PTGER3: variants seen among roughly 807,000 people sequenced by gnomAD.
PTGER3 encodes the protein prostaglandin E2 receptor EP3 subtype.
A neutral mutation model predicts 34.7 loss-of-function variants in PTGER3; 22 were observed. The observed-to-expected ratio is 0.63, with a 90% confidence interval of 0.45 to 0.91. The LOEUF (loss-of-function observed/expected upper bound fraction) is 0.91. Ranked by LOEUF, PTGER3 falls within the 40% of genes least tolerant of loss-of-function variation. The probability of loss-of-function intolerance (pLI) is 0.00; values close to 1 mark genes in which losing one functional copy is unlikely to be tolerated. For missense variants in PTGER3, 468 were observed against 519.4 expected (o/e 0.90, Z 0.96); for synonymous variants, 241 against 230.1 (o/e 1.05, Z -0.43).
At chr1:70,890,220 A>T (rs1191731335) in intron 4 of PTGER3, among the ~76,000 whole-genome samples, 5 of 152,170 alleles carry the variant, frequency 3.3e-5, no homozygotes, top group Admixed American at 3.3e-4. Flanking sequence ...CATTTATTTA[A>T]CAACACTTAT....
At chr1:70,913,526 G>A (rs1647106518) in intron 4 of PTGER3, among the ~76,000 whole-genome samples, 1 of 151,852 alleles carries the variant, frequency 6.6e-6, no homozygotes, top group South Asian at 2.1e-4. Flanking sequence ...TCCAGTAAAT[G>A]CAGACTGAAG....
intron 2 of PTGER3, among the ~76,000 whole-genome samples, chr1:70,999,731 T>TA (rs1255899553): frequency 6.6e-6 from 1 of 151,692 alleles, no homozygotes; most frequent in Non-Finnish European, 1.5e-5. Flanking sequence ...AAAGGAAAAA[T>TA]AAAAAAAGAG....
At chr1:70,954,320 A>C (rs1276809048) in intron 2 of PTGER3, among the ~76,000 whole-genome samples, 1 of 152,170 alleles carries the variant, frequency 6.6e-6, no homozygotes, top group Non-Finnish European at 1.5e-5. Context: ...CTATTGGACC[A>C]GTCTTTATAA....
downstream of PTGER3, among the ~76,000 whole-genome samples, chr1:70,948,326 A>G (rs1650415258): frequency 6.6e-6 from 1 of 151,942 alleles, no homozygotes; most frequent in Non-Finnish European, 1.5e-5. Context: ...TTTATAACGG[A>G]CTTTTCCCCA....
intron 2 of PTGER3, chr1:71,006,291 T>A (rs1644611466): frequency 1.0e-6 from 1 of 985,448 alleles, no homozygotes; most frequent in African/African-American, 1.7e-5. Flanking sequence ...GAAAGAGGGA[T>A]ACTTTTAATG....
At chr1:70,917,798 A>G (rs1647218734) in intron 4 of PTGER3, among the ~76,000 whole-genome samples, 1 of 152,046 alleles carries the variant, frequency 6.6e-6, no homozygotes, top group Non-Finnish European at 1.5e-5. Flanking sequence ...CCTGATAATT[A>G]GTAAAGTTGA....
intron 2 of PTGER3, among the ~76,000 whole-genome samples, chr1:70,979,824 A>C (rs1251395113): frequency 1.3e-5 from 2 of 152,088 alleles, no homozygotes; most frequent in Non-Finnish European, 2.9e-5. Flanking sequence ...TTACAGCCTC[A>C]CTATCTAAAG....
At chr1:70,985,241 AC>A (rs1654800907) in intron 2 of PTGER3, among the ~76,000 whole-genome samples, 1 of 152,208 alleles carries the variant, frequency 6.6e-6, no homozygotes, top group Non-Finnish European at 1.5e-5. Context: ...TCTTTAGTAC[AC>A]AGGCTCATGA....
intron 4 of PTGER3, among the ~76,000 whole-genome samples, chr1:70,876,034 G>A (rs1446244185): frequency 6.6e-6 from 1 of 152,152 alleles, no homozygotes; most frequent in Non-Finnish European, 1.5e-5. Flanking sequence ...CACAATGGCT[G>A]AACTAATTTA....
intron 2 of PTGER3, chr1:71,010,698 C>T (rs1432011849): frequency 3.0e-6 from 3 of 983,942 alleles, no homozygotes; most frequent in African/African-American, 1.7e-5. Context: ...TTAGTATAGT[C>T]TATTTATCAC....
At chr1:70,918,142 T>C (rs1424811004) in intron 4 of PTGER3, among the ~76,000 whole-genome samples, 1 of 152,020 alleles carries the variant, frequency 6.6e-6, no homozygotes, top group African/African-American at 2.4e-5. Context: ...CAAGACATAC[T>C]GGGGAAAGGA....
intron 2 of PTGER3, among the ~76,000 whole-genome samples, chr1:70,990,456 T>C (rs563466378): frequency 1.3e-5 from 2 of 148,812 alleles, no homozygotes; most frequent in African/African-American, 2.5e-5. Flanking sequence ...TATATATACA[T>C]ATATTATACA....
At chr1:70,879,599 T>G (rs914972573) in intron 4 of PTGER3, among the ~76,000 whole-genome samples, 1 of 152,286 alleles carries the variant, frequency 6.6e-6, no homozygotes. Context: ...TTGTCTGAAA[T>G]TAAAATAGTT....
rs113318987 is a variant in PTGER3 at position 70,937,612 on chromosome 1, T to C, written c.*23+16151A>G. On this transcript the variant is annotated intron_variant, in intron 4 of 4. Coordinates refer to the PTGER3 transcript ENST00000370931. Reference sequence around the variant, plus strand: ...TGTACTTGAAACTGCCTTTTAGGTATCATTAGTCCCAAGGAAACTTGTGAG... The same window carrying C: ...TGTACTTGAAACTGCCTTTTAGGTACCATTAGTCCCAAGGAAACTTGTGAG... Among the ~76,000 whole-genome samples, 665 of 152,296 alleles carry C rather than the reference T, an allele frequency of 4.4e-3. 6 individuals are homozygous for C. The highest frequency in any genetic ancestry group is 0.015 in the African/African-American group (625 of 41,564).
intron 4 of PTGER3, among the ~76,000 whole-genome samples, chr1:70,940,724 C>G (rs1039569222): frequency 2.0e-5 from 3 of 152,158 alleles, no homozygotes; most frequent in Non-Finnish European, 4.4e-5. Context: ...ATTACCTCCC[C>G]CTGGGCCCCT....
intron 2 of PTGER3, among the ~76,000 whole-genome samples, chr1:70,987,313 A>G (rs6679370): frequency 0.32 from 48,563 of 152,112 alleles, 8,462 homozygotes; most frequent in South Asian, 0.44. Context: ...GACAAAACGT[A>G]TAAGTTATGT....
chr1:70,976,042 T>A (rs1351533982), intron 2 of PTGER3, among the ~76,000 whole-genome samples: 1 of 151,966 alleles, frequency 6.6e-6, no homozygotes, highest in East Asian at 1.9e-4. Flanking sequence ...ATTTGTTGGC[T>A]AAACTTTAGA....
intron 4 of PTGER3, among the ~76,000 whole-genome samples, chr1:70,888,306 T>C (rs1295307315): frequency 6.6e-6 from 1 of 152,150 alleles, no homozygotes; most frequent in Non-Finnish European, 1.5e-5. Context: ...CTGGAGACAA[T>C]TAAAGAGAGG....
intron 4 of PTGER3, among the ~76,000 whole-genome samples, chr1:70,879,899 C>T (rs983604717): frequency 3.3e-5 from 5 of 152,048 alleles, no homozygotes; most frequent in Non-Finnish European, 5.9e-5. Context: ...TTGAGACCAT[C>T]CTGGCCAACA....
Sources: allele counts gnomAD v4.1 joint callset (sites outside exome capture counted in the v4.1 genomes callset), GRCh38; gene constraint gnomAD v4.1.1; transcripts MANE v1.5; gene names NCBI Gene and HGNC (gene_info 2026-07-23, HGNC 2026-07-21).